Variants in CREB1 observed in about 807,000 individuals in gnomAD.
The protein encoded by CREB1 is cAMP responsive element binding protein 1.
A neutral mutation model predicts 42.0 loss-of-function variants in CREB1; 2 were observed. The ratio of observed to expected loss-of-function variants is 0.05; its 90% confidence interval spans 0.02 to 0.15. CREB1 has a LOEUF of 0.15. Ranked by LOEUF, CREB1 falls within the 10% of genes least tolerant of loss-of-function variation. CREB1 has a pLI of 1.00. For missense variants in CREB1, 199 were observed against 388.9 expected (o/e 0.51, Z 4.11); for synonymous variants, 123 against 139.9 (o/e 0.88, Z 0.85).
Position 207,601,280 on chromosome 2 carries a change from G to T in CREB1, c.*4222G>T, listed in dbSNP as rs572132641. On this transcript the variant is annotated 3_prime_UTR_variant, in exon 8 of 8. Transcript: ENST00000353267. ...GCACTTTTTTAAATGACCCAGTTTG[G>T]GTATTAGCAACTTAAGAAATTCCCT... The T allele has an allele frequency of 5.4e-6, 1 of 185,072 alleles. No individual in the cohort carries two copies. The highest frequency in any genetic ancestry group is 2.3e-5 in the African/African-American group (1 of 42,588). The allele number at this position is 185,072 out of a possible 1,614,324, so 11.5% of individuals were successfully genotyped here. A position where few individuals can be genotyped will look rare whatever the true frequency, so the allele number is the denominator to read the frequency against.
intron 7 of CREB1, among the ~76,000 whole-genome samples, chr2:207,588,124 A>G (rs1361484030): frequency 5.4e-5 from 3 of 55,582 alleles, no homozygotes; most frequent in Non-Finnish European, 7.6e-5. Context: ...GCCTAAATCA[A>G]TATCACACAG....
intron 5 of CREB1, among the ~76,000 whole-genome samples, chr2:207,572,709 G>A (rs2551643): frequency 0.16 from 23,626 of 151,938 alleles, 2,023 homozygotes; most frequent in Middle Eastern, 0.2. Context: ...CCAGCTACTC[G>A]GGAGGCTGAG....
chr2:207,550,708 T>C (rs186477978), intron 1 of CREB1: 37 of 152,310 alleles, frequency 2.4e-4, no homozygotes, highest in Admixed American at 7.2e-4. Context: ...TAACTTGCTA[T>C]AGGTAGTCAG....
At chr2:207,559,571 G>A (rs924521393) in intron 2 of CREB1, among the ~76,000 whole-genome samples, 3 of 152,128 alleles carry the variant, frequency 2.0e-5, no homozygotes, top group Non-Finnish European at 4.4e-5. Flanking sequence ...ATCCTTGAAT[G>A]TGTTCAAGCA....
At chr2:207,595,957 C>G (rs573327668) in intron 7 of CREB1, among the ~76,000 whole-genome samples, 3 of 152,096 alleles carry the variant, frequency 2.0e-5, no homozygotes, top group Non-Finnish European at 4.4e-5. Context: ...TATTGTCTTT[C>G]GATGTGCAGA....
chr2:207,576,511 C>T (rs1341102067), intron 6 of CREB1: 1 of 277,576 alleles, frequency 3.6e-6, no homozygotes, highest in East Asian at 1.1e-4. Flanking sequence ...TGGAGAGAGT[C>T]ATAACTTATT....
intron 3 of CREB1, 134 bp downstream of exon 3, chr2:207,560,506 A>C (rs1285306543): frequency 6.6e-6 from 5 of 754,150 alleles, no homozygotes; most frequent in Non-Finnish European, 1.0e-5. Flanking sequence ...AATATGCTGC[A>C]TCTGTATAGT....
intron 5 of CREB1, among the ~76,000 whole-genome samples, chr2:207,574,829 G>A (rs1313190287): frequency 2.0e-5 from 3 of 152,138 alleles, no homozygotes; most frequent in Non-Finnish European, 4.4e-5. Flanking sequence ...ACCATTTATT[G>A]GGTGCCTATT....
intron 3 of CREB1, among the ~76,000 whole-genome samples, chr2:207,564,067 C>T (rs1281541562): frequency 6.6e-6 from 1 of 151,962 alleles, no homozygotes; most frequent in East Asian, 1.9e-4. Flanking sequence ...TATCATATCT[C>T]TTTAAGAACT....
chr2:207,546,597 G>A (rs1014005204), intron 1 of CREB1, among the ~76,000 whole-genome samples: 1 of 152,108 alleles, frequency 6.6e-6, no homozygotes, highest in African/African-American at 2.4e-5. Context: ...TGTGGTGGCG[G>A]GTGCCTGTAA....
chr2:207,574,648 T>C (rs1446996546), intron 5 of CREB1, among the ~76,000 whole-genome samples: 1 of 152,204 alleles, frequency 6.6e-6, no homozygotes, highest in Non-Finnish European at 1.5e-5. Flanking sequence ...TTTTTCTAAA[T>C]GATGATCTTG....
chr2:207,540,511 G>A (rs1351787491), intron 1 of CREB1, among the ~76,000 whole-genome samples: 1 of 151,696 alleles, frequency 6.6e-6, no homozygotes, highest in Non-Finnish European at 1.5e-5. Context: ...GGGCTTGGTG[G>A]TGCATGCCTG....
chr2:207,530,898 G>A (rs1480779258), intron 1 of CREB1, among the ~76,000 whole-genome samples: 1 of 151,210 alleles, frequency 6.6e-6, no homozygotes, highest in African/African-American at 2.4e-5. Flanking sequence ...GCTGCTTTCT[G>A]CCCTGTGTTG....
chr2:207,545,962 C>T lies in CREB1; in HGVS notation c.-8-9666C>T, dbSNP rs372298198. Among the ~76,000 whole-genome samples, 9 of 151,628 alleles carry T rather than the reference C, an allele frequency of 5.9e-5. 1 individual carries two copies. The highest frequency in any genetic ancestry group is 3.9e-4 in the East Asian group (2 of 5,112). ...GTTGGCCAGGCTGGTCTTGAACTCC[C>T]GACCTCAGGTGATCTGCCCGCCTTG... On this transcript the variant is annotated intron_variant, in intron 1 of 7. Transcript: ENST00000353267.
chr2:207,535,791 C>CTTTT (rs1411158747), intron 1 of CREB1, among the ~76,000 whole-genome samples: 919 of 80,900 alleles, frequency 0.011, 9 homozygotes, highest in African/African-American at 0.031. Context: ...AGCTACAATA[C>CTTTT]TTTTTTATTT....
chr2:207,575,521 G>A, intron 6 of CREB1, 67 bp downstream of exon 6: 1 of 1,357,306 alleles, frequency 7.4e-7, no homozygotes, highest in South Asian at 1.5e-5. Flanking sequence ...TAAACTCACA[G>A]AAAAAGTAAG....
chr2:207,533,024 C>G (rs755913622), intron 1 of CREB1, among the ~76,000 whole-genome samples: 1 of 151,666 alleles, frequency 6.6e-6, no homozygotes, highest in Non-Finnish European at 1.5e-5. Context: ...GAACATGTTA[C>G]TAAATTGTAC....
chr2:207,530,090 T>C lies in CREB1; in HGVS notation c.-53T>C, dbSNP rs2080523877. On this transcript the variant is annotated 5_prime_UTR_variant, in exon 1 of 8. Transcript: ENST00000353267. ...GGGAGAGAATAAAACTCCAGCGAGA[T>C]CCGGGCCGTGAACGAAAGCAGTGAC... The C allele has an allele frequency of 6.6e-6, 1 of 152,584 alleles. No homozygotes were observed. The highest frequency in any genetic ancestry group is 2.1e-4 in the South Asian group (1 of 4,820). The allele number at this position is 152,584 out of a possible 1,614,324, so 9.5% of individuals were successfully genotyped here. A position where few individuals can be genotyped will look rare whatever the true frequency, so the allele number is the denominator to read the frequency against.
intron 7 of CREB1, among the ~76,000 whole-genome samples, chr2:207,578,354 AAC>A (rs970140433): frequency 2.0e-5 from 3 of 152,178 alleles, no homozygotes; most frequent in African/African-American, 7.2e-5. Flanking sequence ...GACCGAGACA[AAC>A]AAAAGAAAAT....
Sources: gnomAD v4.1 joint callset for allele counts (sites outside exome capture counted in the v4.1 genomes callset) on GRCh38, gnomAD v4.1.1 for gene constraint, MANE v1.5 for transcripts, NCBI Gene and HGNC (gene_info 2026-07-23, HGNC 2026-07-21) for gene names.